Variants in RHBDD1 observed in about 807,000 individuals in gnomAD.
RHBDD1 encodes the protein rhomboid-related protein 4.
In RHBDD1, 38 loss-of-function variants were observed where a neutral mutation model predicts 36.3. The observed-to-expected ratio is 1.05, with a 90% confidence interval of 0.81 to 1.37. The LOEUF (loss-of-function observed/expected upper bound fraction) is 1.37, where lower values mean the gene tolerates loss of function less well. RHBDD1 is among the 40% of genes most tolerant of loss of function. The probability of loss-of-function intolerance (pLI) is 0.00; values close to 1 mark genes in which losing one functional copy is unlikely to be tolerated. For synonymous variants in RHBDD1, 151 were observed against 136.5 expected (o/e 1.11, Z -0.74); for missense variants, 393 against 377.6 (o/e 1.04, Z -0.34).
chr2:226,913,382 A>T lies in RHBDD1; in HGVS notation c.713-826A>T, dbSNP rs1948655664. Reference sequence around the variant, plus strand: ...TATTTTACTTCTCTCTCTTTATGCCAGAATGAGATTGGTAACCTTCTGTGG... The same window carrying T: ...TATTTTACTTCTCTCTCTTTATGCCTGAATGAGATTGGTAACCTTCTGTGG... On this transcript the variant is annotated intron_variant, in intron 7 of 8. Transcript: ENST00000392062. Among the ~76,000 whole-genome samples, 3 of 152,248 alleles carry T rather than the reference A, an allele frequency of 2.0e-5. No homozygotes were observed. In the South Asian group the frequency reaches 6.2e-4, roughly 31 times the overall value.
intron 5 of RHBDD1, among the ~76,000 whole-genome samples, chr2:226,888,690 A>G (rs921639467): frequency 1.1e-4 from 17 of 152,152 alleles, no homozygotes; most frequent in African/African-American, 4.1e-4. Context: ...AGTACTGTGT[A>G]CATTTCTTTC....
chr2:226,910,168 T>C (rs1052796794), intron 7 of RHBDD1, among the ~76,000 whole-genome samples: 2 of 152,224 alleles, frequency 1.3e-5, no homozygotes, highest in East Asian at 3.8e-4. Flanking sequence ...CTCTCTCTTT[T>C]GCACTCGATT....
chr2:226,857,240 T>G (rs1020022679), intron 3 of RHBDD1, among the ~76,000 whole-genome samples: 1 of 152,170 alleles, frequency 6.6e-6, no homozygotes, highest in Non-Finnish European at 1.5e-5. Flanking sequence ...AAATCAGTAT[T>G]ACTTCACATC....
chr2:226,940,767 C>T (rs1950612639), intron 8 of RHBDD1, among the ~76,000 whole-genome samples: 1 of 152,036 alleles, frequency 6.6e-6, no homozygotes, highest in African/African-American at 2.4e-5. Context: ...ACAGAGAAAA[C>T]AAGAGGCTTA....
chr2:226,983,777 C>A (rs1956312216), intron 8 of RHBDD1, among the ~76,000 whole-genome samples: 1 of 152,110 alleles, frequency 6.6e-6, no homozygotes, highest in Admixed American at 6.5e-5. Context: ...TGAAAACATT[C>A]CCTTGATCCT....
intron 3 of RHBDD1, among the ~76,000 whole-genome samples, chr2:226,849,635 A>G (rs183744321): frequency 6.6e-5 from 10 of 152,376 alleles, no homozygotes; most frequent in Non-Finnish European, 1.0e-4. Flanking sequence ...TTTGCCTTCT[A>G]TGACAACACA....
chr2:226,976,934 A>G (rs1954699509), intron 8 of RHBDD1, among the ~76,000 whole-genome samples: 1 of 152,170 alleles, frequency 6.6e-6, no homozygotes, highest in Non-Finnish European at 1.5e-5. Context: ...AAGAGCCATT[A>G]TCTATTTCTT....
chr2:226,908,747 C>A, intron 6 of RHBDD1, 75 bp from the exon 7 acceptor site: 1 of 1,003,958 alleles, frequency 1.0e-6, no homozygotes, highest in Non-Finnish European at 1.6e-6. Flanking sequence ...GTCCAGAGAA[C>A]TTTCTAATTA....
chr2:226,945,020 T>C (rs1950881630), intron 8 of RHBDD1, among the ~76,000 whole-genome samples: 1 of 151,932 alleles, frequency 6.6e-6, no homozygotes, highest in African/African-American at 2.4e-5. Flanking sequence ...TGGGGAGATT[T>C]GTGGGGAGGA....
Position 226,972,506 on chromosome 2 carries a change from G to A in RHBDD1, c.857-22925G>A, listed in dbSNP as rs1467299255. Among the ~76,000 whole-genome samples the A allele has an allele frequency of 3.9e-5, 6 of 152,162 alleles. No homozygotes were observed. In the East Asian group the frequency reaches 9.6e-4, roughly 24 times the overall value. On this transcript the variant is annotated intron_variant, in intron 8 of 8. Coordinates refer to ENST00000392062, the MANE Select transcript of RHBDD1 (RefSeq NM_001167608.3). ...GGGCCTGGGAAGGCTGCTCCACCCAGTTCATCTGGACTCCCAGGGTCACTA... is the reference window on the plus strand; with the variant it reads ...GGGCCTGGGAAGGCTGCTCCACCCAATTCATCTGGACTCCCAGGGTCACTA...
intron 5 of RHBDD1, among the ~76,000 whole-genome samples, chr2:226,905,654 G>T (rs891437372): frequency 6.6e-6 from 1 of 152,200 alleles, no homozygotes. Flanking sequence ...GCAAGAGCTG[G>T]CTTGCAGGGA....
Position 226,995,497 on chromosome 2 carries a change from G to T in RHBDD1, c.923G>T (p.Arg308Leu), listed in dbSNP as rs576585320. The change falls in exon 9 of 9, where the codon CGG becomes CTG. Residue 308 changes from arginine (R) to leucine (L), a missense_variant. Transcript: ENST00000392062. Reference protein sequence around the residue: ...HLSPEEMRRQRLHRFDSQ With the variant: ...HLSPEEMRRQLLHRFDSQ ...TCACCAGAAGAAATGAGGAGACAGC[G>T]GCTTCACAGATTCGATAGCCAGTGA... 1.9e-5 allele frequency: 31 copies of T among 1,612,346 alleles called. No individual in the cohort carries two copies. Among genetic ancestry groups the T allele is most frequent in the Non-Finnish European group, 2.5e-5 (29 of 1,179,158 alleles).
At chr2:226,899,644 A>G (rs189253375) in intron 5 of RHBDD1, among the ~76,000 whole-genome samples, 22 of 152,346 alleles carry the variant, frequency 1.4e-4, no homozygotes, top group African/African-American at 4.8e-4. Flanking sequence ...CTGAAGAAAA[A>G]GACAGATTGC....
chr2:226,845,692 T>G (rs928422196), intron 3 of RHBDD1, among the ~76,000 whole-genome samples: 7 of 152,248 alleles, frequency 4.6e-5, no homozygotes, highest in African/African-American at 1.7e-4. Context: ...GTGTGCCCTG[T>G]GAAGCCATTT....
At chr2:226,856,305 G>A (rs1317256429) in intron 3 of RHBDD1, among the ~76,000 whole-genome samples, 2 of 152,132 alleles carry the variant, frequency 1.3e-5, no homozygotes, top group Non-Finnish European at 2.9e-5. Context: ...CGAGTATTCA[G>A]TTAATAAATT....
In RHBDD1 at chr2:226,985,133, A is replaced by G. The variant is rs75255088; in HGVS notation, c.857-10298A>G. ...ATCTCCTCTGATTTGGAGTTAGCAT[A>G]TTTAGGAGGCTCCGGATCATTCCTG... On this transcript the variant is annotated intron_variant, in intron 8 of 8. Coordinates refer to ENST00000392062, the MANE Select transcript of RHBDD1 (RefSeq NM_001167608.3). Among the ~76,000 whole-genome samples, 522 of 152,300 alleles carry G rather than the reference A, an allele frequency of 3.4e-3. 1 individual carries two copies. The highest frequency in any genetic ancestry group is 0.01 in the Middle Eastern group (3 of 294).
chr2:226,881,860 G>C (rs1945768208), intron 5 of RHBDD1, among the ~76,000 whole-genome samples: 2 of 152,116 alleles, frequency 1.3e-5, no homozygotes, highest in African/African-American at 4.8e-5. Flanking sequence ...TTTTTAGCCA[G>C]TTCTATTTTC....
rs1319639578 is a variant in RHBDD1, at chr2:226,875,068, A to G, written c.566+7750A>G. On this transcript the variant is annotated intron_variant, in intron 5 of 8. Transcript: ENST00000392062. Reference sequence around the variant, plus strand: ...TTTATCTACCGTAAGCCCTTCCTCCATCATAATTAATCTGTGTTTTTCACT... The same window carrying G: ...TTTATCTACCGTAAGCCCTTCCTCCGTCATAATTAATCTGTGTTTTTCACT... Among the ~76,000 whole-genome samples, 4 of 152,114 alleles carry G rather than the reference A, an allele frequency of 2.6e-5. No individual in the cohort carries two copies. In the East Asian group the frequency reaches 7.7e-4, roughly 29 times the overall value.
rs186801926 is a variant in RHBDD1 at position 226,910,225 on chromosome 2, C to G, written c.712+1347C>G. 2.1e-3 allele frequency among the ~76,000 whole-genome samples: 315 copies of G among 152,260 alleles called. 4 individuals carry two copies. The highest frequency in any genetic ancestry group is 7.3e-3 in the African/African-American group (302 of 41,560). ...GAGGACTGAAGAGAACAGCTTCTTT[C>G]CTTCTTATGTGGAAGAAGCACAGTC... On this transcript the variant is annotated intron_variant, in intron 7 of 8. Coordinates refer to ENST00000392062, the MANE Select transcript of RHBDD1 (RefSeq NM_001167608.3).
Sources: gnomAD v4.1 joint callset for allele counts (sites outside exome capture counted in the v4.1 genomes callset) on GRCh38, gnomAD v4.1.1 for gene constraint, MANE v1.5 for transcripts, NCBI Gene and HGNC (gene_info 2026-07-23, HGNC 2026-07-21) for gene names.